AARS1: variants seen among roughly 807,000 people sequenced by gnomAD.
AARS1 encodes alanine--tRNA ligase, cytoplasmic.
Under a neutral mutation model 108.9 loss-of-function variants are expected in AARS1, and 72 were observed. The observed-to-expected ratio is 0.66, with a 90% CI of 0.55 to 0.80. AARS1 has a LOEUF of 0.80. Among genes scored for constraint, AARS1 ranks in the 30% least tolerant of loss-of-function variants. AARS1 has a pLI of 0.00. For missense variants in AARS1, 1,193 were observed against 1,233.2 expected (o/e 0.97, Z 0.49); for synonymous variants, 489 against 465.7 (o/e 1.05, Z -0.64).
chr16:70,257,007 T>G (rs1385564043), intron 15 of AARS1, among the ~76,000 whole-genome samples: 1 of 152,012 alleles, frequency 6.6e-6, no homozygotes, highest in African/African-American at 2.4e-5. Context: ...CCCAGCACTT[T>G]GGGAGGCTGA....
chr16:70,268,083 G>A (rs1960308194), intron 8 of AARS1, among the ~76,000 whole-genome samples, 188 bp downstream of exon 8: 1 of 152,194 alleles, frequency 6.6e-6, no homozygotes, highest in African/African-American at 2.4e-5. Context: ...CAGGAGAATC[G>A]CTTGAACCCA....
chr16:70,253,834 C>A (rs756241399), intron 18 of AARS1, 34 bp from the exon 19 acceptor site: 1 of 1,614,214 alleles, frequency 6.2e-7, no homozygotes, highest in Non-Finnish European at 8.5e-7. Context: ...GCAGCTCAGA[C>A]CAAAAGCCCA....
intron 1 of AARS1, among the ~76,000 whole-genome samples, chr16:70,287,502 C>T (rs1385244186): frequency 1.3e-5 from 2 of 150,988 alleles, no homozygotes; most frequent in Non-Finnish European, 3.0e-5. Flanking sequence ...CTTTGGGAGG[C>T]TGAAACAGGA....
rs1242576553 is a variant in AARS1, at chr16:70,277,140, G to T, written c.159C>A (p.Phe53Leu). ...NAGMNQFKPI[F>L]LNTIDPSHPM... ...GGTGAGATGGGTCAATTGTGTTCAGGAAAATGGGTTTAAACTAAAAGAGAA... is the reference window on the plus strand; with the variant it reads ...GGTGAGATGGGTCAATTGTGTTCAGTAAAATGGGTTTAAACTAAAAGAGAA... Residue 53 changes from phenylalanine (F) to leucine (L), a missense_variant, in exon 3 of 21, where the codon TTC becomes TTA. Physicochemically the swap from Phe to Leu is conservative, Grantham distance 22. Coordinates refer to ENST00000261772, the MANE Select transcript of AARS1 (RefSeq NM_001605.3). 2 of 1,614,162 alleles carry T rather than the reference G, an allele frequency of 1.2e-6. No homozygotes were observed. The highest frequency in any genetic ancestry group is 1.7e-6 in the Non-Finnish European group (2 of 1,180,042).
At chr16:70,278,752 T>C (rs1003329662) in intron 2 of AARS1, among the ~76,000 whole-genome samples, 7 of 151,936 alleles carry the variant, frequency 4.6e-5, no homozygotes, top group Admixed American at 2.0e-4. Flanking sequence ...CTCTCACTCA[T>C]CTCTGTATCT....
At chr16:70,274,095 G>A (rs543976943) in intron 4 of AARS1, among the ~76,000 whole-genome samples, 4 of 151,638 alleles carry the variant, frequency 2.6e-5, no homozygotes, top group African/African-American at 7.3e-5. Context: ...CAGCACTTTG[G>A]GAGGCCGAGG....
At chr16:70,271,659 T>C (rs1334840710) in intron 5 of AARS1, 122 bp downstream of exon 5, 1 of 999,772 alleles carries the variant, frequency 1.0e-6, no homozygotes, top group Non-Finnish European at 1.5e-6. Flanking sequence ...GTTCCAGAGA[T>C]CAGACAGGTA....
Position 70,252,704 on chromosome 16 carries a change from G to A in AARS1, c.*17C>T, listed in dbSNP as rs371469608. The A allele has an allele frequency of 5.6e-6, 9 of 1,613,166 alleles. No homozygotes were observed. Among genetic ancestry groups the A allele is most frequent in the Non-Finnish European group, 7.6e-6 (9 of 1,179,510 alleles). Reference sequence around the variant, plus strand: ...GGCTGGACGGATGGATCCAGTGGGAGCCTCCTCCTTCCCCACTCAGTTCTT... The same window carrying A: ...GGCTGGACGGATGGATCCAGTGGGAACCTCCTCCTTCCCCACTCAGTTCTT... On this transcript the variant is annotated 3_prime_UTR_variant, in exon 21 of 21. Transcript: ENST00000261772.
At chr16:70,259,701 G>A (rs903172959) in intron 13 of AARS1, among the ~76,000 whole-genome samples, 3 of 151,596 alleles carry the variant, frequency 2.0e-5, no homozygotes, top group African/African-American at 7.3e-5. Context: ...CCCAGGCTGG[G>A]TCTCAAACTC....
At chr16:70,266,409 T>C (rs1597440056) in intron 9 of AARS1, among the ~76,000 whole-genome samples, 1 of 151,814 alleles carries the variant, frequency 6.6e-6, no homozygotes, top group African/African-American at 2.4e-5. Context: ...GGCAGGAGAA[T>C]GGCATGACCC....
At chr16:70,255,871 G>C in intron 15 of AARS1, 35 bp from the exon 16 acceptor site, 3 of 1,588,866 alleles carry the variant, frequency 1.9e-6, no homozygotes, top group Non-Finnish European at 2.6e-6. Flanking sequence ...TAGTGAAAGA[G>C]GCCCTGGCAG....
At chr16:70,274,655 C>T (rs1482037242) in intron 4 of AARS1, among the ~76,000 whole-genome samples, 3 of 146,550 alleles carry the variant, frequency 2.0e-5, no homozygotes, top group Non-Finnish European at 4.4e-5. Context: ...ACCCAGGAGG[C>T]AGAGGTTGCA....
chr16:70,257,379 C>T (rs1280104083), intron 15 of AARS1, among the ~76,000 whole-genome samples: 1 of 152,136 alleles, frequency 6.6e-6, no homozygotes, highest in Non-Finnish European at 1.5e-5. Context: ...TGTGCCACTA[C>T]ACTCCACCCT....
intron 12 of AARS1, 130 bp from the exon 13 acceptor site, chr16:70,261,287 C>T: frequency 3.1e-6 from 2 of 650,642 alleles, no homozygotes; most frequent in East Asian, 3.2e-5. Context: ...CACATACTCC[C>T]TTAATATCAT....
At chr16:70,261,322 G>T (rs1226507795) in intron 12 of AARS1, 165 bp from the exon 13 acceptor site, 2 of 533,964 alleles carry the variant, frequency 3.7e-6, no homozygotes, top group Admixed American at 2.4e-5. Context: ...TAGGCCAGGT[G>T]CAGTGGCTCA....
chr16:70,252,967 G>A, intron 20 of AARS1, 61 bp from the exon 21 acceptor site: 9 of 1,550,642 alleles, frequency 5.8e-6, no homozygotes, highest in Non-Finnish European at 8.0e-6. Context: ...GAGGAATGCA[G>A]GGAAAGAAAG....
In AARS1 at chr16:70,258,910, G is replaced by A. The variant is rs957615750; in HGVS notation, c.1992+70C>T. On this transcript the variant is annotated intron_variant, in intron 14 of 20. Coordinates refer to ENST00000261772, the MANE Select transcript of AARS1 (RefSeq NM_001605.3). Reference sequence around the variant, plus strand: ...TCTGATACAACAGAGTGAGAGCACCGCACTGCTAAGACTGTGGACAGACAG... The same window carrying A: ...TCTGATACAACAGAGTGAGAGCACCACACTGCTAAGACTGTGGACAGACAG... 1.6e-4 allele frequency: 241 copies of A among 1,501,154 alleles called. 3 individuals are homozygous for A. In the East Asian group the frequency reaches 4.9e-3, roughly 31 times the overall value. 93.0% of individuals were successfully genotyped at this position (1,501,154 alleles called of 1,614,324 possible). A position where few individuals can be genotyped will look rare whatever the true frequency, so the allele number is the denominator to read the frequency against.
Position 70,271,853 on chromosome 16 carries a change from G to A in AARS1, c.599C>T (p.Ala200Val), listed in dbSNP as rs776896056. 1 of 1,613,930 alleles carries A rather than the reference G, an allele frequency of 6.2e-7. No individual in the cohort carries two copies. Among genetic ancestry groups the A allele is most frequent in the Non-Finnish European group, 8.5e-7 (1 of 1,179,862 alleles). The change falls in exon 5 of 21, where the codon GCC becomes GTC. Residue 200 changes from alanine to valine, a missense_variant. Coordinates refer to ENST00000261772, the MANE Select transcript of AARS1 (RefSeq NM_001605.3). ...GTCGTCCTGGTTGACAAGATGTGCG[G>A]CGTCCCGACCACCAATCCGGTCGTA... ...IHYDRIGGRD[A>V]AHLVNQDDPN...
intron 13 of AARS1, among the ~76,000 whole-genome samples, chr16:70,260,271 A>G (rs1960101521): frequency 6.6e-6 from 1 of 152,216 alleles, no homozygotes; most frequent in Non-Finnish European, 1.5e-5. Context: ...TATCCTCTGA[A>G]CCAGGAAATC....
Sources: gnomAD v4.1 joint callset for allele counts (sites outside exome capture counted in the v4.1 genomes callset) on GRCh38, gnomAD v4.1.1 for gene constraint, MANE v1.5 for transcripts, NCBI Gene and HGNC (gene_info 2026-07-23, HGNC 2026-07-21) for gene names.